The following TGIF1 variants were observed in gnomAD, a reference collection of about 807,000 sequenced individuals.
TGIF1 encodes homeobox protein TGIF1.
In TGIF1, 4 loss-of-function variants were observed where a neutral mutation model predicts 19.3. The ratio of observed to expected loss-of-function variants is 0.21; its 90% CI spans 0.10 to 0.47. TGIF1 has a LOEUF of 0.47. TGIF1 is among the 20% of genes least tolerant of loss of function. The pLI, the probability that TGIF1 is intolerant of heterozygous loss-of-function variation, is 0.98. For synonymous variants in TGIF1, 122 were observed against 129.3 expected, an observed-to-expected ratio of 0.94 and a Z score of 0.38; for missense variants, 275 against 341.4, an observed-to-expected ratio of 0.81 and a Z score of 1.53.
intron 1 of TGIF1, chr18:3,455,346 G>C (rs763031505): frequency 2.0e-5 from 3 of 152,072 alleles, no homozygotes; most frequent in Non-Finnish European, 4.4e-5. Flanking sequence ...GAGCTTTATT[G>C]AACCCCGTCC....
At chr18:3,436,650 C>G (rs572181582) in intron 2 of TGIF1, among the ~76,000 whole-genome samples, 2 of 151,864 alleles carry the variant, frequency 1.3e-5, no homozygotes, top group East Asian at 3.9e-4. Context: ...GAAAGCCCGT[C>G]TCTACTAAAA....
At position 3,458,301 on chromosome 18, in the gene TGIF1, A is replaced by T. The variant is rs1308303366; in HGVS notation, c.*361A>T. Reference sequence around the variant, plus strand: ...TCTTCTCATTCCCATGTGGAACAGGATGCCCACATACTGTCTAATTAATAA... The same window carrying T: ...TCTTCTCATTCCCATGTGGAACAGGTTGCCCACATACTGTCTAATTAATAA... On this transcript the variant is annotated 3_prime_UTR_variant, in exon 3 of 3. Transcript: ENST00000343820. The T allele has an allele frequency of 4.3e-6, 1 of 232,476 alleles. No individual in the cohort carries two copies. The highest frequency in any genetic ancestry group is 1.1e-4 in the East Asian group (1 of 9,028). The allele number at this position is 232,476 out of a possible 1,614,324, so 14.4% of individuals were successfully genotyped here.
At chr18:3,421,676 T>C (rs1225557021) in intron 2 of TGIF1, among the ~76,000 whole-genome samples, 1 of 151,958 alleles carries the variant, frequency 6.6e-6, no homozygotes, top group Non-Finnish European at 1.5e-5. Context: ...CCGCCTAAAG[T>C]GTTGGGATTA....
chr18:3,440,650 C>T (rs1174918101), intron 2 of TGIF1, among the ~76,000 whole-genome samples: 1 of 152,180 alleles, frequency 6.6e-6, no homozygotes, highest in African/African-American at 2.4e-5. Context: ...CAGATGCCTG[C>T]TCAGGTTTTT....
At position 3,451,866 on chromosome 18, in the gene TGIF1, GA is replaced by G. The variant is rs1598898491; in HGVS notation, c.16+1362del. 6 of 1,416,670 alleles carry G rather than the reference GA, an allele frequency of 4.2e-6. No homozygotes were observed. Among genetic ancestry groups the G allele is most frequent in the South Asian group, 1.8e-5 (1 of 56,940 alleles). 87.8% of individuals were successfully genotyped at this position (1,416,670 alleles called of 1,614,324 possible). ...GGGAGAAAACGCGCGGGGGGCGTCC[GA>G]GACGCCCCGTGAAAGCCGTGCCGAC... On this transcript the variant is annotated intron_variant, in intron 1 of 2. Coordinates refer to ENST00000343820, the MANE Select transcript of TGIF1 (RefSeq NM_003244.4). This position sits in a 1 kb window ranked among gnomAD's most constrained non-coding sequence, Gnocchi z 5.4.
Position 3,456,442 on chromosome 18 carries a change from GAGA to G in TGIF1, c.108_110del (p.Arg39del), listed in dbSNP as rs868084409. 13 of 1,614,138 alleles carry G rather than the reference GAGA, an allele frequency of 8.1e-6. 1 individual carries two copies. Among genetic ancestry groups the G allele is most frequent in the African/African-American group, 4.0e-5 (3 of 74,946 alleles). On this transcript the variant is annotated inframe_deletion, in exon 2 of 3. Transcript: ENST00000343820. The surrounding 1 kb of genome is among the most constrained non-coding windows in gnomAD (Gnocchi z 4.2). ...TTTCTTCATCCGCTGGCTCAGGCAA[GAGA>G]AGGAGAAGGGGCAACCTACCCAAGG...
Position 3,459,707 on chromosome 18 carries a change from G to A in TGIF1, c.*1767G>A, listed in dbSNP as rs2049462467. 1 of 152,156 alleles carries A rather than the reference G, an allele frequency of 6.6e-6. No homozygotes were observed. 9.4% of individuals were successfully genotyped at this position (152,156 alleles called of 1,614,324 possible). A position where few individuals can be genotyped will look rare whatever the true frequency, so the allele number is the denominator to read the frequency against. Reference sequence around the variant, plus strand: ...GGTGTTTCATCACTCATACTGGAAGGAGAAGGAAAGGAGCCATATGACTCA... The same window carrying A: ...GGTGTTTCATCACTCATACTGGAAGAAGAAGGAAAGGAGCCATATGACTCA... On this transcript the variant is annotated 3_prime_UTR_variant, in exon 3 of 3. Transcript: ENST00000343820.
rs767183444 is a variant in TGIF1 at position 3,457,481 on chromosome 18, G to A, written c.360G>A (p.Thr120=). 5 of 1,614,064 alleles carry A rather than the reference G, an allele frequency of 3.1e-6. No homozygotes were observed. Among genetic ancestry groups the A allele is most frequent in the Admixed American group, 1.7e-5 (1 of 60,002 alleles). ...GCCGTGGGGCCAAGATTTCTGAAAC[G>A]AGCTCTGTGGAGTCCGTGATGGGCA... ...ISRRGAKISE[T]SSVESVMGIK... The change falls in exon 3 of 3, where the codon ACG becomes ACA. Residue 120 remains threonine (T), a synonymous_variant. Transcript: ENST00000343820. The surrounding 1 kb of genome is among the most constrained non-coding windows in gnomAD (Gnocchi z 4.9).
In TGIF1 at chr18:3,414,024, C is replaced by T. The variant is rs1477115562; in HGVS notation, c.-118+1770C>T. On this transcript the variant is annotated intron_variant, in intron 1 of 3. Coordinates refer to the TGIF1 transcript ENST00000401449. Reference sequence around the variant, plus strand: ...TGAAAAAACAAACCCAGTGAGATGACATAATTTGCCTAAGGTCACAGAGTT... The same window carrying T: ...TGAAAAAACAAACCCAGTGAGATGATATAATTTGCCTAAGGTCACAGAGTT... Among the ~76,000 whole-genome samples, 9 of 151,174 alleles carry T rather than the reference C, an allele frequency of 6.0e-5. No homozygotes were observed. In the East Asian group the frequency reaches 1.6e-3, roughly 26 times the overall value.
chr18:3,453,224 C>CATTG (rs1420541963), intron 1 of TGIF1, among the ~76,000 whole-genome samples: 2 of 152,070 alleles, frequency 1.3e-5, no homozygotes, highest in African/African-American at 4.8e-5. Flanking sequence ...AGGCAAGAGA[C>CATTG]ATTGCTCCCA....
At chr18:3,438,341 C>T (rs2082640272) in intron 2 of TGIF1, among the ~76,000 whole-genome samples, 1 of 151,800 alleles carries the variant, frequency 6.6e-6, no homozygotes, top group South Asian at 2.1e-4. Context: ...GTCATGTGTG[C>T]AAGAGTTATG....
chr18:3,450,198 G>C lies in TGIF1; in HGVS notation c.-292G>C. The C allele has an allele frequency of 7.3e-7, 1 of 1,366,950 alleles. No homozygotes were observed. 84.7% of individuals were successfully genotyped at this position (1,366,950 alleles called of 1,614,324 possible). On this transcript the variant is annotated 5_prime_UTR_variant, in exon 1 of 3. Coordinates refer to ENST00000343820, the MANE Select transcript of TGIF1 (RefSeq NM_003244.4). Reference sequence around the variant, plus strand: ...CTCTGACAGCGCCGAGGTGCGCCGAGCAGGAGCAGGGAACAAAGGAGCGGA... The same window carrying C: ...CTCTGACAGCGCCGAGGTGCGCCGACCAGGAGCAGGGAACAAAGGAGCGGA...
intron 2 of TGIF1, among the ~76,000 whole-genome samples, chr18:3,419,568 T>C (rs1376533536): frequency 6.6e-6 from 1 of 152,248 alleles, no homozygotes; most frequent in African/African-American, 2.4e-5. Flanking sequence ...TATGTTGATC[T>C]TCTTTTTGTT....
At chr18:3,447,250 G>A (rs1457495729), upstream of TGIF1, among the ~76,000 whole-genome samples, 2 of 151,360 alleles carry the variant, frequency 1.3e-5, no homozygotes, top group African/African-American at 4.9e-5. Flanking sequence ...ACCAAGCAAC[G>A]CCTCAATTTT....
intron 2 of TGIF1, among the ~76,000 whole-genome samples, chr18:3,442,663 T>A (rs2082690163): frequency 6.6e-6 from 1 of 152,092 alleles, no homozygotes; most frequent in Non-Finnish European, 1.5e-5. Context: ...GATGGGAGGA[T>A]CCCTTGAAAC....
rs539858187 is a variant in TGIF1, at chr18:3,451,632, G to C, written c.16+1127G>C. ...CCGGCCCGCTGCGGGGCGTTCCTGG[G>C]GGGTAGCCTCAAGGCCAGCGGGGTT... is the stretch of plus-strand genomic sequence containing the variant. On this transcript the variant is annotated intron_variant, in intron 1 of 2. Transcript: ENST00000343820. This position sits in a 1 kb window ranked among gnomAD's most constrained non-coding sequence, Gnocchi z 5.4. 1,819 of 1,110,388 alleles carry C rather than the reference G, an allele frequency of 1.6e-3. No homozygotes were observed. The highest frequency in any genetic ancestry group is 1.9e-3 in the Non-Finnish European group (1,721 of 911,078). 68.8% of individuals were successfully genotyped at this position (1,110,388 alleles called of 1,614,324 possible).
In TGIF1 at chr18:3,456,093, A is replaced by T; in HGVS notation, c.17-261A>T. ...CGAAAGAGTTTTCTGACCATCATTC[A>T]AAAGGAATGTGAGAAGTTAATGAAT... On this transcript the variant is annotated intron_variant, in intron 1 of 2. Transcript: ENST00000343820. This position sits in a 1 kb window ranked among gnomAD's most constrained non-coding sequence, Gnocchi z 4.2. 1.9e-6 allele frequency: 1 copy of T among 526,830 alleles called. No homozygotes were observed. The highest frequency in any genetic ancestry group is 3.4e-6 in the Non-Finnish European group (1 of 290,440). 32.6% of individuals were successfully genotyped at this position (526,830 alleles called of 1,614,324 possible).
intron 1 of TGIF1, among the ~76,000 whole-genome samples, chr18:3,412,515 C>G (rs549592204): frequency 6.6e-6 from 1 of 151,994 alleles, no homozygotes; most frequent in Non-Finnish European, 1.5e-5. Context: ...GGAGCAGGTG[C>G]GCTTCTAAAC....
At chr18:3,447,816 T>C (rs544587667), upstream of TGIF1, 1 of 1,614,032 alleles carries the variant, frequency 6.2e-7, no homozygotes, top group Admixed American at 1.7e-5. Context: ...ACATCTCCGT[T>C]TTTTCCTCCC....
Sources: allele counts gnomAD v4.1 joint callset (sites outside exome capture counted in the v4.1 genomes callset), GRCh38; gene constraint gnomAD v4.1.1; non-coding constraint Gnocchi (gnomAD v3.1); transcripts MANE v1.5; gene names NCBI Gene and HGNC (gene_info 2026-07-23, HGNC 2026-07-21).